ALK: variants seen among roughly 807,000 people sequenced by gnomAD.
ALK encodes the protein ALK tyrosine kinase receptor.
In ALK, 74 loss-of-function variants were observed where a neutral mutation model predicts 163.1. The observed-to-expected ratio is 0.45, with a 90% CI of 0.38 to 0.55. ALK has a LOEUF of 0.55. Ranked by LOEUF, ALK falls within the 20% of genes least tolerant of loss-of-function variation. The pLI, the probability that ALK is intolerant of heterozygous loss-of-function variation, is 0.00. For missense variants in ALK, 2,063 were observed against 2,105.3 expected (o/e 0.98, Z 0.39); for synonymous variants, 960 against 843.2 (o/e 1.14, Z -2.40).
chr2:29,415,800 A>C (rs142985162), intron 4 of ALK, among the ~76,000 whole-genome samples: 89 of 152,360 alleles, frequency 5.8e-4, no homozygotes, highest in African/African-American at 2.1e-3. Context: ...TAAAACAAAA[A>C]GGTGGAGGAA....
At chr2:29,464,814 T>C (rs1394991230) in intron 4 of ALK, among the ~76,000 whole-genome samples, 1 of 152,146 alleles carries the variant, frequency 6.6e-6, no homozygotes, top group Non-Finnish European at 1.5e-5. Flanking sequence ...AAGTATTAAC[T>C]AGCACCAAGT....
chr2:29,847,926 A>C (rs1665888962), intron 1 of ALK, among the ~76,000 whole-genome samples: 1 of 152,110 alleles, frequency 6.6e-6, no homozygotes, highest in South Asian at 2.1e-4. Context: ...CAGAGATGGG[A>C]AAGAGTCTCA....
chr2:29,906,937 GTTTTTTTTTTTTTTTTT>G (rs70962250), intron 1 of ALK, among the ~76,000 whole-genome samples: 1 of 80,012 alleles, frequency 1.2e-5, no homozygotes, highest in Non-Finnish European at 2.3e-5. Context: ...TACATTTAAG[GTTTTTTTTTTTTTTTTT>G]TTTTTTTTTT....
intron 1 of ALK, among the ~76,000 whole-genome samples, chr2:29,774,441 C>T (rs1173972243): frequency 6.6e-6 from 1 of 152,194 alleles, no homozygotes; most frequent in Non-Finnish European, 1.5e-5. Context: ...TATTGCCATA[C>T]CATGTTACAG....
intron 26 of ALK, among the ~76,000 whole-genome samples, chr2:29,199,506 A>T (rs79848951): frequency 0.014 from 2,136 of 152,270 alleles, 26 homozygotes; most frequent in Middle Eastern, 0.027. Context: ...TTTTCAAATA[A>T]CTACTCTTCC....
At chr2:29,670,161 A>T (rs879498525) in intron 3 of ALK, among the ~76,000 whole-genome samples, 18 of 151,992 alleles carry the variant, frequency 1.2e-4, no homozygotes, top group Admixed American at 1.2e-3. Context: ...TTTTTGTTTC[A>T]GATTGAAGAA....
chr2:29,233,284 A>C (rs1369716809), intron 14 of ALK, among the ~76,000 whole-genome samples: 1 of 152,112 alleles, frequency 6.6e-6, no homozygotes, highest in African/African-American at 2.4e-5. Flanking sequence ...CTAGGACTAC[A>C]GGTGCAAGCC....
At chr2:29,583,359 A>T (rs1194869788) in intron 3 of ALK, among the ~76,000 whole-genome samples, 1 of 152,164 alleles carries the variant, frequency 6.6e-6, no homozygotes, top group Non-Finnish European at 1.5e-5. Context: ...TTAGTCATAC[A>T]GATACCAGAT....
chr2:29,772,592 A>T (rs1231209985), intron 1 of ALK, among the ~76,000 whole-genome samples: 1 of 152,168 alleles, frequency 6.6e-6, no homozygotes, highest in Non-Finnish European at 1.5e-5. Context: ...AAATCAAGAA[A>T]CAGCAACACA....
At chr2:29,538,342 T>G (rs1187145944) in intron 3 of ALK, among the ~76,000 whole-genome samples, 1 of 152,144 alleles carries the variant, frequency 6.6e-6, no homozygotes, top group African/African-American at 2.4e-5. Context: ...TACAACCCCC[T>G]TGGTGATAAG....
chr2:29,752,110 T>C (rs1680380239), intron 1 of ALK, among the ~76,000 whole-genome samples: 1 of 152,212 alleles, frequency 6.6e-6, no homozygotes, highest in African/African-American at 2.4e-5. Context: ...CATAACTTAA[T>C]GATCTTCTGA....
chr2:29,666,840 C>T (rs189180697), intron 3 of ALK, among the ~76,000 whole-genome samples: 1 of 151,960 alleles, frequency 6.6e-6, no homozygotes, highest in Non-Finnish European at 1.5e-5. Context: ...CCTTCACCCC[C>T]CTTCTCCTAC....
chr2:29,480,842 T>A (rs1319721119), intron 4 of ALK, among the ~76,000 whole-genome samples: 3 of 146,802 alleles, frequency 2.0e-5, no homozygotes, highest in African/African-American at 7.5e-5. Context: ...CACTTCTCAA[T>A]GCTTAAATGT....
chr2:29,599,054 A>G (rs1227091173), intron 3 of ALK, among the ~76,000 whole-genome samples: 1 of 152,182 alleles, frequency 6.6e-6, no homozygotes, highest in Non-Finnish European at 1.5e-5. Context: ...GTGGTATGGA[A>G]CCCTGTAAAA....
chr2:29,848,347 C>CTT (rs34182049), intron 1 of ALK, among the ~76,000 whole-genome samples: 2 of 139,196 alleles, frequency 1.4e-5, no homozygotes, highest in East Asian at 2.1e-4. Context: ...TTCAGGAAGG[C>CTT]TTTTTTTTTT....
intron 1 of ALK, among the ~76,000 whole-genome samples, chr2:29,779,116 A>G (rs1477528252): frequency 1.3e-5 from 2 of 152,132 alleles, no homozygotes; most frequent in Admixed American, 1.3e-4. Flanking sequence ...AGATCGTGCC[A>G]CTGCACTCCA....
At chr2:29,387,875 G>T (rs1669070033) in intron 4 of ALK, among the ~76,000 whole-genome samples, 2 of 152,100 alleles carry the variant, frequency 1.3e-5, no homozygotes, top group Admixed American at 1.3e-4. Context: ...GCATATTATT[G>T]CTCCAAGACT....
At chr2:29,312,623 C>G (rs1467611040) in intron 8 of ALK, among the ~76,000 whole-genome samples, 1 of 152,166 alleles carries the variant, frequency 6.6e-6, no homozygotes, top group South Asian at 2.1e-4. Context: ...ACTGTGGGAG[C>G]CAGAGGAGCC....
At chr2:29,407,279 C>T (rs1378559355) in intron 4 of ALK, among the ~76,000 whole-genome samples, 5 of 152,216 alleles carry the variant, frequency 3.3e-5, no homozygotes, top group African/African-American at 1.2e-4. Flanking sequence ...ATACAACATC[C>T]AGATGAAGGA....
Sources: gnomAD v4.1 joint callset for allele counts (sites outside exome capture counted in the v4.1 genomes callset) on GRCh38, gnomAD v4.1.1 for gene constraint, MANE v1.5 for transcripts, NCBI Gene and HGNC (gene_info 2026-07-23, HGNC 2026-07-21) for gene names.